The following GRM4 variants were observed in gnomAD, a reference collection of about 807,000 sequenced individuals.
GRM4 encodes the protein metabotropic glutamate receptor 4.
Under a neutral mutation model 81.7 loss-of-function variants are expected in GRM4, and 28 were observed. The observed-to-expected ratio is 0.34, with a 90% CI of 0.25 to 0.47. The LOEUF (loss-of-function observed/expected upper bound fraction) is 0.47, where lower values mean the gene tolerates loss of function less well. Among genes scored for constraint, GRM4 ranks in the 20% least tolerant of loss-of-function variants. The pLI, the probability that GRM4 is intolerant of heterozygous loss-of-function variation, is 1.00. For synonymous variants in GRM4, 488 were observed against 528.8 expected (o/e 0.92, Z 1.06); for missense variants, 948 against 1,290.0 (o/e 0.73, Z 4.06).
chr6:34,061,723 G>T, intron 4 of GRM4, 170 bp downstream of exon 4: 1 of 641,546 alleles, frequency 1.6e-6, no homozygotes, highest in Non-Finnish European at 2.7e-6. Flanking sequence ...AGTAGCTTGT[G>T]CTCTAGCCTG....
chr6:34,022,695 C>T lies in GRM4; in HGVS notation c.*126G>A, dbSNP rs368417098. 1.2e-5 allele frequency: 10 copies of T among 818,286 alleles called. No homozygotes were observed. The East Asian group carries it at 2.1e-4, about 17-fold the overall frequency. 50.7% of individuals were successfully genotyped at this position (818,286 alleles called of 1,614,324 possible). ...TGGCTGGGGGCTCTGCTATCCTCAG[C>T]ACCAAGCCACGTCCGTGGGTGCCCA... On this transcript the variant is annotated 3_prime_UTR_variant, in exon 11 of 11. Transcript: ENST00000538487. The surrounding 1 kb of genome is among the most constrained non-coding windows in gnomAD (Gnocchi z 5.6).
chr6:34,110,432 C>T (rs9469716), intron 2 of GRM4, among the ~76,000 whole-genome samples: 1 of 151,768 alleles, frequency 6.6e-6, no homozygotes, highest in Non-Finnish European at 1.5e-5. Flanking sequence ...CCCCCTCCCC[C>T]ACCCGACCTG....
chr6:34,036,603 T>A lies in GRM4; in HGVS notation c.1507A>T (p.Ile503Leu). ...CTCCCCGGCCAGTGCATCCGCTCTA[T>A]CTGGCAATGACAGCACCGTAAAGCA... Reference protein sequence around the residue: ...GSWTDHLHLRIERMHWPGSGQ... With the variant: ...GSWTDHLHLRLERMHWPGSGQ... The change falls in exon 9 of 11, where the codon ATA becomes TTA. Residue 503 changes from isoleucine (I) to leucine (L), a missense_variant and splice_region_variant. Transcript: ENST00000538487. This position sits in a 1 kb window ranked among gnomAD's most constrained non-coding sequence, Gnocchi z 9.0. 1 of 1,542,312 alleles carries A rather than the reference T, an allele frequency of 6.5e-7. No individual in the cohort carries two copies. The highest frequency in any genetic ancestry group is 8.8e-7 in the Non-Finnish European group (1 of 1,133,548).
chr6:34,096,708 G>A (rs560337888), intron 2 of GRM4, among the ~76,000 whole-genome samples: 10 of 152,174 alleles, frequency 6.6e-5, no homozygotes, highest in Admixed American at 2.0e-4. Context: ...GGAGTGACAC[G>A]CAGTGTGCCT....
Position 34,035,326 on chromosome 6 carries a change from CA to C in GRM4, c.2442+341del, listed in dbSNP as rs200647635. Among the ~76,000 whole-genome samples, 1,370 of 117,496 alleles carry C rather than the reference CA, an allele frequency of 0.012. 12 individuals are homozygous for C. The highest frequency in any genetic ancestry group is 0.016 in the Non-Finnish European group (959 of 60,848). The allele number at this position is 117,496 out of a possible 152,430, so 77.1% of individuals were successfully genotyped here. On this transcript the variant is annotated intron_variant, in intron 9 of 10. Coordinates refer to ENST00000538487, the MANE Select transcript of GRM4 (RefSeq NM_000841.4). This position sits in a 1 kb window ranked among gnomAD's most constrained non-coding sequence, Gnocchi z 6.6. ...GAAAGAGGAGGAGGGGGAAGGAGAA[CA>C]GGGGGAGGATGGAAAGAGGGAGTAA...
At chr6:34,045,369 G>A (rs550524932) in intron 6 of GRM4, among the ~76,000 whole-genome samples, 3 of 152,340 alleles carry the variant, frequency 2.0e-5, no homozygotes, top group African/African-American at 7.2e-5. Context: ...TGGGAGACAG[G>A]CTTCACTGGC....
chr6:34,128,363 CT>C (rs140475647), intron 2 of GRM4, among the ~76,000 whole-genome samples: 44 of 145,174 alleles, frequency 3.0e-4, no homozygotes, highest in Middle Eastern at 3.5e-3. Context: ...GACCTTAACT[CT>C]TTTTTTTTTC....
chr6:34,144,944 G>C (rs1032223419), intron 1 of GRM4, among the ~76,000 whole-genome samples: 1 of 152,024 alleles, frequency 6.6e-6, no homozygotes, highest in Non-Finnish European at 1.5e-5. Context: ...GGCTCCGGGG[G>C]CGCCAGCTCT....
chr6:34,036,696 C>A lies in GRM4; in HGVS notation c.1507-93G>T. ...GGTGGTGGCACCTTGTAGCCCCACA[C>A]TCAAATCACCCAGCTAGTTGGCTAA... On this transcript the variant is annotated intron_variant, in intron 8 of 10. Coordinates refer to ENST00000538487, the MANE Select transcript of GRM4 (RefSeq NM_000841.4). The surrounding 1 kb of genome is among the most constrained non-coding windows in gnomAD (Gnocchi z 9.0). 4.4e-6 allele frequency: 3 copies of A among 675,200 alleles called. No individual in the cohort carries two copies. Among genetic ancestry groups the A allele is most frequent in the South Asian group, 3.7e-5 (2 of 53,852 alleles). 41.8% of individuals were successfully genotyped at this position (675,200 alleles called of 1,614,324 possible).
In GRM4 at chr6:34,078,744, C is replaced by T. The variant is rs529978178; in HGVS notation, c.736+13139G>A. Among the ~76,000 whole-genome samples the T allele has an allele frequency of 8.5e-5, 13 of 152,274 alleles. No homozygotes were observed. Among genetic ancestry groups the T allele is most frequent in the Non-Finnish European group, 4.4e-5 (3 of 68,030 alleles). On this transcript the variant is annotated intron_variant, in intron 3 of 10. Transcript: ENST00000538487. This position sits in a 1 kb window ranked among gnomAD's most constrained non-coding sequence, Gnocchi z 4.8. ...CTCTCCTCTTACTTGTCACTTTGTC[C>T]TGCTTCCTCTCCTCCCCATATCCCA...
intron 2 of GRM4, among the ~76,000 whole-genome samples, chr6:34,125,726 G>A (rs368329516): frequency 2.0e-4 from 31 of 152,352 alleles, no homozygotes; most frequent in African/African-American, 7.5e-4. Context: ...CTCCTTCCAC[G>A]TCCCTTCCCC....
chr6:34,045,187 C>A (rs1383380610), intron 6 of GRM4, among the ~76,000 whole-genome samples: 2 of 152,186 alleles, frequency 1.3e-5, no homozygotes, highest in Non-Finnish European at 2.9e-5. Context: ...GAACCACAAA[C>A]CCTCACTAAA....
At chr6:34,103,407 G>A (rs1768943855) in intron 2 of GRM4, among the ~76,000 whole-genome samples, 1 of 152,220 alleles carries the variant, frequency 6.6e-6, no homozygotes, top group African/African-American at 2.4e-5. Context: ...GGAGGGGAGA[G>A]CCTCGGCAGG....
rs10635207 is a variant in GRM4, at chr6:34,136,563, G to GACACACACACAC, written c.-363-2716_-363-2705dup. Among the ~76,000 whole-genome samples the GACACACACACAC allele has an allele frequency of 0.038, 5,396 of 142,450 alleles. 148 individuals carry two copies. The highest frequency in any genetic ancestry group is 0.064 in the Middle Eastern group (18 of 280). 93.5% of individuals were successfully genotyped at this position (142,450 alleles called of 152,430 possible). On this transcript the variant is annotated intron_variant, in intron 1 of 10. Transcript: ENST00000538487. The surrounding 1 kb of genome is among the most constrained non-coding windows in gnomAD (Gnocchi z 4.1). The stretch of plus-strand genomic sequence containing the variant: ...GCTGAGCAGTGCATGCGCGCGTGCG[G>GACACACACACAC]ACACACACACACACACACACACACA...
intron 3 of GRM4, 169 bp downstream of exon 3, chr6:34,091,714 A>C: frequency 1.7e-6 from 1 of 602,222 alleles, no homozygotes; most frequent in East Asian, 2.8e-5. Context: ...GAGCCCAGTG[A>C]GGCCATGGAC....
chr6:34,125,432 G>C (rs191829692), intron 2 of GRM4, among the ~76,000 whole-genome samples: 1 of 152,244 alleles, frequency 6.6e-6, no homozygotes, highest in Non-Finnish European at 1.5e-5. Flanking sequence ...GAGGCATCTG[G>C]GTCAGTGGCC....
rs746187379 is a variant in GRM4 at position 34,036,533 on chromosome 6, G to A, written c.1577C>T (p.Pro526Leu). Residue 526 changes from proline to leucine, a missense_variant, in exon 9 of 11, where the codon CCG becomes CTG. Physicochemically the swap from Pro to Leu is moderately conservative, Grantham distance 98 (BLOSUM62 -3). Transcript: ENST00000538487. This position sits in a 1 kb window ranked among gnomAD's most constrained non-coding sequence, Gnocchi z 9.0. ...PRSICSLPCQ[P>L]GERKKTVKGM... ...CTTCACTGTCTTCTTCCGCTCACCC[G>A]GTTGGCAGGGCAGGCTGCAGATGGA... The A allele has an allele frequency of 9.9e-6, 16 of 1,610,562 alleles. No individual in the cohort carries two copies. Among genetic ancestry groups the A allele is most frequent in the South Asian group, 7.7e-5 (7 of 91,026 alleles).
At chr6:34,044,579 TAC>T (rs1187991118) in intron 6 of GRM4, among the ~76,000 whole-genome samples, 20 of 143,438 alleles carry the variant, frequency 1.4e-4, no homozygotes, top group South Asian at 6.8e-4. Flanking sequence ...TACACATATA[TAC>T]ACAGACACAG....
At chr6:34,063,098 GC>G (rs113982935) in intron 3 of GRM4, 8,751 of 152,352 alleles carry the variant, frequency 0.057, 379 homozygotes, top group East Asian at 0.2. Flanking sequence ...TCTAAGGGCT[GC>G]CCTCCTCTGG....
Sources: allele counts gnomAD v4.1 joint callset (sites outside exome capture counted in the v4.1 genomes callset), GRCh38; gene constraint gnomAD v4.1.1; non-coding constraint Gnocchi (gnomAD v3.1); transcripts MANE v1.5; gene names NCBI Gene and HGNC (gene_info 2026-07-23, HGNC 2026-07-21).